The following RSPO2 variants were observed in gnomAD, a reference collection of about 807,000 sequenced individuals.
RSPO2 encodes the protein R-spondin-2.
RSPO2 carries 14 observed loss-of-function variants against 30.9 expected under a neutral mutation model. The observed-to-expected ratio is 0.45, with a 90% CI of 0.30 to 0.71. RSPO2 has a LOEUF of 0.71. RSPO2 is among the 30% of genes least tolerant of loss of function. The probability of loss-of-function intolerance (pLI) is 0.08; values close to 1 mark genes in which losing one functional copy is unlikely to be tolerated. For missense variants in RSPO2, 264 were observed against 301.9 expected (o/e 0.87, Z 0.93); for synonymous variants, 107 against 96.4 (o/e 1.11, Z -0.64).
At chr8:107,963,222 T>C (rs1453045763) in intron 3 of RSPO2, among the ~76,000 whole-genome samples, 2 of 136,884 alleles carry the variant, frequency 1.5e-5, no homozygotes, top group African/African-American at 4.9e-5. Context: ...GAAAAACCCA[T>C]TGTTAAGTTA....
intron 5 of RSPO2, among the ~76,000 whole-genome samples, chr8:107,940,394 C>CT (rs1812861229): frequency 1.3e-5 from 2 of 152,132 alleles, no homozygotes; most frequent in South Asian, 4.1e-4. Context: ...GACATACCCC[C>CT]TTACCCTTCC....
intron 2 of RSPO2, among the ~76,000 whole-genome samples, chr8:108,072,683 G>A (rs938326933): frequency 2.6e-5 from 4 of 151,818 alleles, no homozygotes; most frequent in African/African-American, 9.7e-5. Flanking sequence ...TATTACACAA[G>A]GGGGAATAAG....
chr8:108,052,670 C>T (rs749405959), intron 2 of RSPO2, among the ~76,000 whole-genome samples: 2 of 152,064 alleles, frequency 1.3e-5, no homozygotes, highest in Non-Finnish European at 2.9e-5. Flanking sequence ...TCCAAGGGCT[C>T]GGCACACACC....
chr8:108,035,788 A>G (rs1372872254), intron 2 of RSPO2, among the ~76,000 whole-genome samples: 1 of 152,150 alleles, frequency 6.6e-6, no homozygotes, highest in Non-Finnish European at 1.5e-5. Context: ...ATTCCTAGAC[A>G]TAGAATCTGA....
chr8:107,961,115 CAAAG>C (rs1415665913), intron 3 of RSPO2, among the ~76,000 whole-genome samples: 2 of 152,126 alleles, frequency 1.3e-5, no homozygotes, highest in Non-Finnish European at 2.9e-5. Flanking sequence ...ATTCAAAAGA[CAAAG>C]AAAACACTCC....
chr8:108,075,650 G>C (rs1447110310), intron 2 of RSPO2, among the ~76,000 whole-genome samples: 1 of 150,488 alleles, frequency 6.6e-6, no homozygotes, highest in Non-Finnish European at 1.5e-5. Context: ...TTCAGAATGA[G>C]TACTGGGCTG....
intron 2 of RSPO2, among the ~76,000 whole-genome samples, chr8:107,994,015 TAAG>T (rs1814934025): frequency 1.3e-5 from 2 of 152,136 alleles, no homozygotes; most frequent in South Asian, 4.1e-4. Flanking sequence ...GGTCACCTTC[TAAG>T]TTTCCAGGAG....
intron 2 of RSPO2, among the ~76,000 whole-genome samples, chr8:108,057,623 C>G (rs1365610646): frequency 6.6e-6 from 1 of 151,932 alleles, no homozygotes; most frequent in Non-Finnish European, 1.5e-5. Flanking sequence ...TAAATGACAT[C>G]AATGGCTGAC....
At chr8:108,004,242 A>C (rs1430198304) in intron 2 of RSPO2, among the ~76,000 whole-genome samples, 2 of 152,206 alleles carry the variant, frequency 1.3e-5, no homozygotes, top group African/African-American at 2.4e-5. Context: ...TTATAAATGG[A>C]AAGTCTTTTA....
At chr8:108,067,484 T>C (rs1026156395) in intron 2 of RSPO2, among the ~76,000 whole-genome samples, 2 of 152,194 alleles carry the variant, frequency 1.3e-5, no homozygotes, top group African/African-American at 4.8e-5. Context: ...ATAAAGTCAG[T>C]GTGGCAAAAT....
chr8:107,921,147 C>T (rs1812155266), intron 5 of RSPO2, among the ~76,000 whole-genome samples: 1 of 151,978 alleles, frequency 6.6e-6, no homozygotes, highest in South Asian at 2.1e-4. Context: ...ACATTATACC[C>T]TAAAATAGAT....
At chr8:108,041,641 T>C (rs1043518582) in intron 2 of RSPO2, among the ~76,000 whole-genome samples, 3 of 152,156 alleles carry the variant, frequency 2.0e-5, no homozygotes, top group African/African-American at 7.2e-5. Flanking sequence ...TCTTTAATCT[T>C]ATTAGTAAAT....
intron 5 of RSPO2, among the ~76,000 whole-genome samples, chr8:107,901,674 T>G (rs907270797): frequency 2.0e-5 from 3 of 152,272 alleles, no homozygotes; most frequent in African/African-American, 7.2e-5. Context: ...TTCCTCCATA[T>G]TCCAAATACC....
intron 3 of RSPO2, among the ~76,000 whole-genome samples, chr8:107,985,539 G>C (rs1440273021): frequency 4.6e-5 from 7 of 152,066 alleles, no homozygotes; most frequent in African/African-American, 1.7e-4. Context: ...TGAGGATAAC[G>C]ACAAATACTC....
At chr8:108,079,696 T>TG (rs1407500676) in intron 2 of RSPO2, among the ~76,000 whole-genome samples, 12 of 145,148 alleles carry the variant, frequency 8.3e-5, no homozygotes, top group African/African-American at 3.2e-4. Flanking sequence ...AGATGGAATA[T>TG]GGAAAAAAAA....
intron 2 of RSPO2, among the ~76,000 whole-genome samples, chr8:108,014,176 TAA>T (rs1319687756): frequency 6.6e-6 from 1 of 152,020 alleles, no homozygotes; most frequent in Non-Finnish European, 1.5e-5. Context: ...TGGTGATCAT[TAA>T]AAAGTCAAGA....
At chr8:107,951,687 T>C (rs971291912) in intron 5 of RSPO2, among the ~76,000 whole-genome samples, 2 of 152,086 alleles carry the variant, frequency 1.3e-5, no homozygotes, top group African/African-American at 4.8e-5. Flanking sequence ...TGGGAAGCTG[T>C]AGAGAACAGC....
chr8:107,968,944 C>T (rs992254725), intron 3 of RSPO2, among the ~76,000 whole-genome samples: 5 of 152,124 alleles, frequency 3.3e-5, no homozygotes, highest in Admixed American at 6.6e-5. Context: ...CACTTAGTGG[C>T]TTCACCCTTG....
intron 2 of RSPO2, among the ~76,000 whole-genome samples, chr8:108,058,032 G>C (rs1812312483): frequency 6.6e-6 from 1 of 152,124 alleles, no homozygotes; most frequent in South Asian, 2.1e-4. Context: ...AGTGGTGAGA[G>C]AGGGCATCCC....
Sources: allele counts gnomAD v4.1 joint callset (sites outside exome capture counted in the v4.1 genomes callset), GRCh38; gene constraint gnomAD v4.1.1; transcripts MANE v1.5; gene names NCBI Gene and HGNC (gene_info 2026-07-23, HGNC 2026-07-21).